The following ZMYM4 variants were observed in gnomAD, a reference collection of about 807,000 sequenced individuals.
ZMYM4 encodes zinc finger MYM-type containing 4.
Under a neutral mutation model 183.2 loss-of-function variants are expected in ZMYM4, and 31 were observed. The observed-to-expected ratio is 0.17, with a 90% CI of 0.13 to 0.23. ZMYM4 has a LOEUF of 0.23. Among genes scored for constraint, ZMYM4 ranks in the 10% least tolerant of loss-of-function variants. The pLI is 1.00. For missense variants in ZMYM4, 1,273 were observed against 1,840.3 expected (o/e 0.69, Z 5.64); for synonymous variants, 592 against 631.2 (o/e 0.94, Z 0.93).
At chr1:35,325,809 A>G (rs1335021155) in intron 2 of ZMYM4, among the ~76,000 whole-genome samples, 1 of 152,180 alleles carries the variant, frequency 6.6e-6, no homozygotes, top group Non-Finnish European at 1.5e-5. Context: ...CAATACAGAA[A>G]TGAATAAAAT....
At chr1:35,342,486 T>C (rs1206151441) in intron 2 of ZMYM4, among the ~76,000 whole-genome samples, 1 of 152,136 alleles carries the variant, frequency 6.6e-6, no homozygotes, top group Admixed American at 6.5e-5. Flanking sequence ...TTTTGAACTG[T>C]AAGCGTTTTG....
At chr1:35,339,291 G>A (rs1262553943) in intron 2 of ZMYM4, among the ~76,000 whole-genome samples, 2 of 151,810 alleles carry the variant, frequency 1.3e-5, no homozygotes, top group Non-Finnish European at 2.9e-5. Flanking sequence ...CTGGAGTGCA[G>A]TGGCGCGATC....
At chr1:35,371,000 T>C (rs1644196480) in intron 7 of ZMYM4, 2 of 168,020 alleles carry the variant, frequency 1.2e-5, no homozygotes, top group Admixed American at 6.2e-5. Flanking sequence ...TTTTAAGTTA[T>C]ATTTCCTGTT....
At chr1:35,278,240 A>T (rs758835303) in intron 1 of ZMYM4, among the ~76,000 whole-genome samples, 5,115 of 149,548 alleles carry the variant, frequency 0.034, 255 homozygotes, top group East Asian at 0.24. Flanking sequence ...TACCATAATT[A>T]CCTCTCCAAA....
chr1:35,297,494 G>A (rs1192036724), intron 1 of ZMYM4, among the ~76,000 whole-genome samples: 1 of 149,392 alleles, frequency 6.7e-6, no homozygotes, highest in Non-Finnish European at 1.5e-5. Flanking sequence ...AAAAAAAAAT[G>A]TATATATATT....
At chr1:35,362,928 T>A (rs967747270) in intron 5 of ZMYM4, among the ~76,000 whole-genome samples, 5 of 152,172 alleles carry the variant, frequency 3.3e-5, no homozygotes, top group Non-Finnish European at 1.5e-5. Flanking sequence ...TCCCAGCACT[T>A]GGCAGGCTGA....
chr1:35,332,658 G>A (rs946575276), intron 2 of ZMYM4, among the ~76,000 whole-genome samples: 9 of 151,946 alleles, frequency 5.9e-5, no homozygotes, highest in Admixed American at 2.0e-4. Flanking sequence ...AGGGATCCAA[G>A]CAAAATACTA....
intron 1 of ZMYM4, among the ~76,000 whole-genome samples, chr1:35,272,849 C>T (rs1639684465): frequency 6.6e-6 from 1 of 152,160 alleles, no homozygotes; most frequent in African/African-American, 2.4e-5. Flanking sequence ...GCTGGGACTA[C>T]AGGCTCCCAC....
chr1:35,402,136 A>G (rs1045099154), intron 23 of ZMYM4, among the ~76,000 whole-genome samples: 1 of 149,186 alleles, frequency 6.7e-6, no homozygotes, highest in South Asian at 2.1e-4. Context: ...AAAAAAAAAA[A>G]GGCTGCTAGA....
intron 18 of ZMYM4, among the ~76,000 whole-genome samples, chr1:35,394,177 T>C (rs1019492770): frequency 7.2e-6 from 1 of 139,516 alleles, no homozygotes; most frequent in Non-Finnish European, 1.5e-5. Flanking sequence ...TTTTTTTTTT[T>C]TTTTTTTTTT....
At chr1:35,319,067 A>T (rs1471464440) in intron 1 of ZMYM4, among the ~76,000 whole-genome samples, 1 of 152,008 alleles carries the variant, frequency 6.6e-6, no homozygotes, top group Non-Finnish European at 1.5e-5. Flanking sequence ...TTCAGTAGAG[A>T]CAGGGTTTCT....
rs1639439797 is a variant in ZMYM4 at position 35,268,894 on chromosome 1, T to TCCGCCCCCTCCCCACTCTCGGCGC, written c.-152_-129dup. The TCCGCCCCCTCCCCACTCTCGGCGC allele has an allele frequency of 1.2e-6, 1 of 832,768 alleles. No individual in the cohort carries two copies. The highest frequency in any genetic ancestry group is 1.6e-6 in the Non-Finnish European group (1 of 619,132). The allele number at this position is 832,768 out of a possible 1,614,324, so 51.6% of individuals were successfully genotyped here. On this transcript the variant is annotated 5_prime_UTR_variant, in exon 1 of 30. Coordinates refer to ENST00000314607, the MANE Select transcript of ZMYM4 (RefSeq NM_005095.3). ...AGAAGCTGCGGCCCGGCGCGCGGCA[T>TCCGCCCCCTCCCCACTCTCGGCGC]CCGCCCCCTCCCCACTCTCGGCGCA...
intron 1 of ZMYM4, among the ~76,000 whole-genome samples, chr1:35,269,322 C>T (rs1020937279): frequency 4.6e-5 from 7 of 152,046 alleles, no homozygotes; most frequent in Admixed American, 3.9e-4. Flanking sequence ...CCTTCCTCCC[C>T]CCGACGTTCC....
chr1:35,290,064 C>T (rs1426349678), intron 1 of ZMYM4, among the ~76,000 whole-genome samples: 1 of 152,024 alleles, frequency 6.6e-6, no homozygotes, highest in African/African-American at 2.4e-5. Flanking sequence ...GGCTTCCGGG[C>T]TCAAGTGATT....
chr1:35,389,182 T>G lies in ZMYM4; in HGVS notation c.2436+100T>G, dbSNP rs946982592. The G allele has an allele frequency of 7.4e-6, 9 of 1,213,014 alleles. No homozygotes were observed. The highest frequency in any genetic ancestry group is 2.9e-4 in the Middle Eastern group (1 of 3,390). 75.1% of individuals were successfully genotyped at this position (1,213,014 alleles called of 1,614,324 possible). A position where few individuals can be genotyped will look rare whatever the true frequency, so the allele number is the denominator to read the frequency against. On this transcript the variant is annotated intron_variant, in intron 14 of 29. Coordinates refer to ENST00000314607, the MANE Select transcript of ZMYM4 (RefSeq NM_005095.3). The surrounding 1 kb of genome is among the most constrained non-coding windows in gnomAD (Gnocchi z 4.0). ...AAAGGACAATTTAATTATTTAAAACTTTTAAGTATTAAATGTTTTATGCCT... is the reference window on the plus strand; with the variant it reads ...AAAGGACAATTTAATTATTTAAAACGTTTAAGTATTAAATGTTTTATGCCT...
chr1:35,281,689 T>C (rs1043006321), intron 1 of ZMYM4, among the ~76,000 whole-genome samples: 66 of 151,334 alleles, frequency 4.4e-4, no homozygotes, highest in Admixed American at 2.6e-4. Context: ...TAATATAACA[T>C]TTACCATTTT....
At chr1:35,374,177 A>G (rs1485060877) in intron 7 of ZMYM4, among the ~76,000 whole-genome samples, 1 of 151,638 alleles carries the variant, frequency 6.6e-6, no homozygotes, top group Non-Finnish European at 1.5e-5. Context: ...GATTACAGGC[A>G]TGCACCACTA....
At chr1:35,412,171 A>G (rs531928587) in intron 26 of ZMYM4, among the ~76,000 whole-genome samples, 53 of 151,018 alleles carry the variant, frequency 3.5e-4, no homozygotes, top group East Asian at 1.4e-3. Flanking sequence ...GAGCCACCGC[A>G]CCTGGCGGGA....
intron 1 of ZMYM4, among the ~76,000 whole-genome samples, chr1:35,299,420 A>G (rs185625678): frequency 6.6e-6 from 1 of 152,180 alleles, no homozygotes; most frequent in Non-Finnish European, 1.5e-5. Flanking sequence ...TGGTTGGAGC[A>G]TAGGGGCTCA....
Sources: allele counts gnomAD v4.1 joint callset (sites outside exome capture counted in the v4.1 genomes callset), GRCh38; gene constraint gnomAD v4.1.1; non-coding constraint Gnocchi (gnomAD v3.1); transcripts MANE v1.5; gene names NCBI Gene and HGNC (gene_info 2026-07-23, HGNC 2026-07-21).